LRRC66: variants seen among roughly 807,000 people sequenced by gnomAD.
LRRC66 encodes leucine-rich repeat-containing protein 66.
A neutral mutation model predicts 24.6 loss-of-function variants in LRRC66; 29 were observed. That is an observed-to-expected ratio of 1.18 (90% CI 0.88 to 1.61). The LOEUF (loss-of-function observed/expected upper bound fraction) is 1.61. Ranked by LOEUF, LRRC66 falls within the 40% of genes most tolerant of loss-of-function variation. The pLI, the probability that LRRC66 is intolerant of heterozygous loss-of-function variation, is 0.00. For missense variants in LRRC66, 1,124 were observed against 1,058.0 expected, an observed-to-expected ratio of 1.06 and a Z score of -0.87; for synonymous variants, 411 against 397.6, an observed-to-expected ratio of 1.03 and a Z score of -0.40.
chr4:51,995,360 G>A lies in LRRC66; in HGVS notation c.1662C>T (p.Gly554=), dbSNP rs1436416197. 3.1e-6 allele frequency: 5 copies of A among 1,614,008 alleles called. No individual in the cohort carries two copies. In the African/African-American group the frequency reaches 4.0e-5, roughly 13 times the overall value. The change falls in exon 5 of 5, where the codon GGC becomes GGT. Residue 554 remains glycine (G), a synonymous_variant. Coordinates refer to ENST00000682860, the MANE Select transcript of LRRC66 (RefSeq NM_001024611.3). Reference sequence around the variant, plus strand: ...GAGACGTGCCAGCTACAGAAGAGACGCCCACTGAATGTGCACTGAGAGGCT... The same window carrying A: ...GAGACGTGCCAGCTACAGAAGAGACACCCACTGAATGTGCACTGAGAGGCT... ...QEEPLSAHSV[G]VSSVAGTSHA...
chr4:52,017,738 T>A, intron 1 of LRRC66, 120 bp from the exon 2 acceptor site: 1 of 1,376,204 alleles, frequency 7.3e-7, no homozygotes, highest in Non-Finnish European at 9.3e-7. Flanking sequence ...GGTTGCCAAT[T>A]TAAGCGAATG....
chr4:51,995,333 G>A lies in LRRC66; in HGVS notation c.1689C>T (p.His563=), dbSNP rs369078257. The change falls in exon 5 of 5, where the codon CAC becomes CAT. Residue 563 remains histidine (H), a synonymous_variant. Coordinates refer to ENST00000682860, the MANE Select transcript of LRRC66 (RefSeq NM_001024611.3). ...VGVSSVAGTS[H]AVSGSSRYDS... ...CATAACGGCTTGAGCCAGAGACAGC[G>A]TGAGACGTGCCAGCTACAGAAGAGA... The A allele has an allele frequency of 5.6e-6, 9 of 1,614,048 alleles. No individual in the cohort carries two copies. Among genetic ancestry groups the A allele is most frequent in the Non-Finnish European group, 6.8e-6 (8 of 1,180,030 alleles).
At position 51,997,134 on chromosome 4, in the gene LRRC66, C is replaced by T. The variant is rs539642618; in HGVS notation, c.856+614G>A. On this transcript the variant is annotated intron_variant, in intron 4 of 4. Coordinates refer to ENST00000682860, the MANE Select transcript of LRRC66 (RefSeq NM_001024611.3). ...TTCTAGATATGAGGTTGAGATTTAG[C>T]CAAGGTAGTTAAGAGTGAAAACAAG... Among the ~76,000 whole-genome samples the T allele has an allele frequency of 2.0e-3, 306 of 152,022 alleles. 1 individual carries two copies. The highest frequency in any genetic ancestry group is 7.0e-3 in the African/African-American group (292 of 41,464).
Position 51,997,773 on chromosome 4 carries a change from C to T in LRRC66, c.831G>A (p.Trp277Ter). 6.2e-7 allele frequency: 1 copy of T among 1,613,958 alleles called. No homozygotes were observed. Among genetic ancestry groups the T allele is most frequent in the Non-Finnish European group, 8.5e-7 (1 of 1,179,912 alleles). ...NFISESWRKKWNVICNRSIGS... is the reference protein window; with the variant it reads ...NFISESWRKK ...CTATAGACCTGTTGCAAATGACATT[C>T]CACTTTTTCCTCCAGGATTCAGAAA... The change falls in exon 4 of 5, where the codon TGG becomes TGA. Residue 277 changes from tryptophan to a stop codon, truncating the protein, a stop_gained. Coordinates refer to ENST00000682860, the MANE Select transcript of LRRC66 (RefSeq NM_001024611.3). LOFTEE classifies it low-confidence loss of function (END_TRUNC).
chr4:51,995,821 C>A lies in LRRC66; in HGVS notation c.1201G>T (p.Val401Phe). The stretch of plus-strand genomic sequence containing the variant: ...CACTTTTTTTGCCACAGTCTGTCAA[C>A]ATAAGGCCTTGTGAAAGCCCCCAGG... ...FSLGAFTRPY[V>F]DRLWQKKCQS... The change falls in exon 5 of 5, where the codon GTT becomes TTT. Residue 401 changes from valine to phenylalanine, a missense_variant. Val to Phe is a conservative substitution (Grantham distance 50). Coordinates refer to ENST00000682860, the MANE Select transcript of LRRC66 (RefSeq NM_001024611.3). 1 of 1,614,160 alleles carries A rather than the reference C, an allele frequency of 6.2e-7. No homozygotes were observed. The highest frequency in any genetic ancestry group is 8.5e-7 in the Non-Finnish European group (1 of 1,180,012).
chr4:51,994,797 G>T lies in LRRC66; in HGVS notation c.2225C>A (p.Ala742Glu). The T allele has an allele frequency of 6.2e-7, 1 of 1,614,156 alleles. No homozygotes were observed. The highest frequency in any genetic ancestry group is 1.6e-4 in the Middle Eastern group (1 of 6,062). The change falls in exon 5 of 5, where the codon GCA (alanine) becomes GAA (glutamate). Residue 742 changes from alanine to glutamate, a missense_variant. Physicochemically the swap from Ala to Glu is moderately radical, Grantham distance 107 (BLOSUM62 -1). Transcript: ENST00000682860. The part of the protein sequence containing the change: ...EESLQDESSG[A>E]SKDNVTAVDS... Reference sequence around the variant, plus strand: ...TACAGCCGTCACATTGTCCTTGCTTGCCCCTGAGCTCTCGTCCTGCAGGGA... The same window carrying T: ...TACAGCCGTCACATTGTCCTTGCTTTCCCCTGAGCTCTCGTCCTGCAGGGA...
intron 4 of LRRC66, among the ~76,000 whole-genome samples, chr4:51,996,783 G>A (rs748726723): frequency 1.3e-5 from 2 of 152,180 alleles, no homozygotes; most frequent in Non-Finnish European, 2.9e-5. Context: ...TAGGCTTCCT[G>A]CCTCACTGCT....
chr4:51,998,585 G>C (rs1736376330), intron 3 of LRRC66, among the ~76,000 whole-genome samples: 1 of 152,164 alleles, frequency 6.6e-6, no homozygotes, highest in Non-Finnish European at 1.5e-5. Flanking sequence ...CTCAAGAGTA[G>C]TAGTACATTT....
intron 3 of LRRC66, among the ~76,000 whole-genome samples, chr4:52,001,477 G>A (rs1736445688): frequency 6.6e-6 from 1 of 152,132 alleles, no homozygotes; most frequent in Non-Finnish European, 1.5e-5. Flanking sequence ...ACCAAGAAGT[G>A]GGAGAATCAG....
chr4:52,002,835 C>T (rs1736487165), intron 3 of LRRC66, among the ~76,000 whole-genome samples: 1 of 152,180 alleles, frequency 6.6e-6, no homozygotes, highest in Non-Finnish European at 1.5e-5. Context: ...GGGGCCTCCC[C>T]AAGCGTTCCA....
At chr4:51,999,215 G>C (rs905008149) in intron 3 of LRRC66, among the ~76,000 whole-genome samples, 3 of 152,140 alleles carry the variant, frequency 2.0e-5, no homozygotes, top group Non-Finnish European at 4.4e-5. Context: ...TCAAAAAAGA[G>C]GATGATGAAT....
chr4:52,002,839 C>A (rs977938093), intron 3 of LRRC66, among the ~76,000 whole-genome samples: 1 of 152,174 alleles, frequency 6.6e-6, no homozygotes, highest in Non-Finnish European at 1.5e-5. Flanking sequence ...CCTCCCCAAG[C>A]GTTCCATATT....
intron 3 of LRRC66, among the ~76,000 whole-genome samples, chr4:52,001,740 T>A (rs958330923): frequency 1.3e-5 from 2 of 152,166 alleles, no homozygotes; most frequent in African/African-American, 2.4e-5. Flanking sequence ...ACGCTCCCCA[T>A]CACTGCTTCA....
At chr4:52,007,681 G>A (rs1396102470) in intron 2 of LRRC66, among the ~76,000 whole-genome samples, 2 of 152,192 alleles carry the variant, frequency 1.3e-5, no homozygotes, top group Non-Finnish European at 2.9e-5. Flanking sequence ...TGTCTTGTGG[G>A]CAGAATACAC....
At chr4:52,007,281 C>A (rs749253765) in intron 2 of LRRC66, among the ~76,000 whole-genome samples, 2 of 152,148 alleles carry the variant, frequency 1.3e-5, no homozygotes, top group Non-Finnish European at 2.9e-5. Context: ...TAGGCTCAAG[C>A]GATTCTCTTG....
At position 52,017,551 on chromosome 4, in the gene LRRC66, C is replaced by T. The variant is rs1553939060; in HGVS notation, c.63G>A (p.Met21Ile). The change falls in exon 2 of 5, where the codon ATG becomes ATA. Residue 21 changes from methionine (M) to isoleucine (I), a missense_variant. By Grantham distance (10) the Met-to-Ile change is conservative. Coordinates refer to ENST00000682860, the MANE Select transcript of LRRC66 (RefSeq NM_001024611.3). Reference sequence around the variant, plus strand: ...TATTGCTTTTTCTTGATGCATTTGTCATTATTCCAGTAAAATAAAGACCTA... The same window carrying T: ...TATTGCTTTTTCTTGATGCATTTGTTATTATTCCAGTAAAATAAAGACCTA... ...IVIGLYFTGIMTNASRKSNIL... is the reference protein window; with the variant it reads ...IVIGLYFTGIITNASRKSNIL... 9.3e-6 allele frequency: 15 copies of T among 1,609,838 alleles called. No homozygotes were observed. The South Asian group carries it at 1.7e-4, about 18-fold the overall frequency.
chr4:52,002,214 A>G (rs756588172), intron 3 of LRRC66, among the ~76,000 whole-genome samples: 10 of 152,212 alleles, frequency 6.6e-5, no homozygotes, highest in Non-Finnish European at 1.2e-4. Flanking sequence ...GATAAATAAC[A>G]CTTACCACTA....
intron 2 of LRRC66, among the ~76,000 whole-genome samples, chr4:52,011,507 T>C (rs896321758): frequency 1.3e-5 from 2 of 152,218 alleles, no homozygotes; most frequent in Admixed American, 6.5e-5. Flanking sequence ...ACCCAGACTG[T>C]TGGTGAATAC....
Position 51,996,173 on chromosome 4 carries a change from T to C in LRRC66, c.857-8A>G. On this transcript the variant is annotated splice_polypyrimidine_tract_variant and splice_region_variant and intron_variant, in intron 4 of 4. Coordinates refer to ENST00000682860, the MANE Select transcript of LRRC66 (RefSeq NM_001024611.3). ...CGTTGGCCTCCTCACTCCCTGCAAGTGGGATTAAAAAAATACACATTGAGC... is the reference window on the plus strand; with the variant it reads ...CGTTGGCCTCCTCACTCCCTGCAAGCGGGATTAAAAAAATACACATTGAGC... 1.3e-6 allele frequency: 2 copies of C among 1,567,380 alleles called. No individual in the cohort carries two copies. Among genetic ancestry groups the C allele is most frequent in the South Asian group, 2.4e-5 (2 of 84,958 alleles).
Sources: gnomAD v4.1 joint callset for allele counts (sites outside exome capture counted in the v4.1 genomes callset) on GRCh38, gnomAD v4.1.1 for gene constraint, MANE v1.5 for transcripts, NCBI Gene and HGNC (gene_info 2026-07-23, HGNC 2026-07-21) for gene names.